UBTD2: variants seen among roughly 807,000 people sequenced by gnomAD.
UBTD2 encodes the protein ubiquitin domain containing 2.
A neutral mutation model predicts 19.8 loss-of-function variants in UBTD2; 9 were observed. That is an observed-to-expected ratio of 0.46 (90% confidence interval 0.27 to 0.79). The LOEUF is 0.79. UBTD2 is among the 30% of genes least tolerant of loss of function. The pLI is 0.14. For synonymous variants in UBTD2, 98 were observed against 103.9 expected, an observed-to-expected ratio of 0.94 and a Z score of 0.35; for missense variants, 250 against 300.4, an observed-to-expected ratio of 0.83 and a Z score of 1.24.
At chr5:172,268,424 C>G (rs917943500) in intron 1 of UBTD2, among the ~76,000 whole-genome samples, 11 of 152,128 alleles carry the variant, frequency 7.2e-5, no homozygotes, top group African/African-American at 2.7e-4. Context: ...ACAGAGGCTA[C>G]AGCACACATT....
At chr5:172,278,744 G>A (rs187620850) in intron 1 of UBTD2, among the ~76,000 whole-genome samples, 145 of 152,100 alleles carry the variant, frequency 9.5e-4, no homozygotes, top group African/African-American at 3.1e-3. Flanking sequence ...TGGTTGAGAC[G>A]GTAATTGTTA....
At position 172,211,917 on chromosome 5, in the gene UBTD2, C is replaced by A. The variant is rs766830768; in HGVS notation, c.618G>T (p.Lys206Asn). The A allele has an allele frequency of 1.9e-6, 3 of 1,614,062 alleles. No individual in the cohort carries two copies. The highest frequency in any genetic ancestry group is 2.7e-5 in the African/African-American group (2 of 74,910). The change falls in exon 3 of 3, where the codon AAG becomes AAT. Residue 206 changes from lysine (K) to asparagine (N), a missense_variant. Coordinates refer to ENST00000393792, the MANE Select transcript of UBTD2 (RefSeq NM_152277.3). ...FSGRPLTDKM[K>N]FEELKIPKDY... ...CCTTTGGGATCTTCAGCTCTTCGAA[C>A]TTCATTTTGTCAGTGAGAGGTCTGC...
intron 2 of UBTD2, among the ~76,000 whole-genome samples, chr5:172,222,709 A>G (rs1771677034): frequency 6.6e-6 from 1 of 152,222 alleles, no homozygotes; most frequent in Admixed American, 6.5e-5. Context: ...AATAAGAATA[A>G]TTACAAGGTA....
At chr5:172,238,362 T>A (rs1320016754) in intron 1 of UBTD2, among the ~76,000 whole-genome samples, 3 of 152,166 alleles carry the variant, frequency 2.0e-5, no homozygotes, top group Admixed American at 2.0e-4. Flanking sequence ...TAACCAACCA[T>A]CTTTAGTGCA....
intron 1 of UBTD2, among the ~76,000 whole-genome samples, chr5:172,246,965 C>T (rs1432124869): frequency 6.6e-6 from 1 of 150,638 alleles, no homozygotes; most frequent in Non-Finnish European, 1.5e-5. Context: ...CATGTTGGTC[C>T]GGCTGGTCTC....
At chr5:172,241,696 G>A (rs1234651364) in intron 1 of UBTD2, among the ~76,000 whole-genome samples, 1 of 151,954 alleles carries the variant, frequency 6.6e-6, no homozygotes, top group Admixed American at 6.6e-5. Context: ...TTCTCACTAT[G>A]GTAAATAAAA....
chr5:172,232,305 A>G (rs1179532277), intron 2 of UBTD2, among the ~76,000 whole-genome samples: 1 of 125,562 alleles, frequency 8.0e-6, no homozygotes, highest in Admixed American at 8.4e-5. Flanking sequence ...AAAGAAAAAG[A>G]CTCACTGTCA....
intron 2 of UBTD2, among the ~76,000 whole-genome samples, chr5:172,231,837 A>G (rs1771907120): frequency 1.3e-5 from 2 of 152,208 alleles, no homozygotes; most frequent in Non-Finnish European, 2.9e-5. Flanking sequence ...TTCCCGTTAT[A>G]TTATATAAAG....
At chr5:172,239,519 C>T (rs1007359331) in intron 1 of UBTD2, among the ~76,000 whole-genome samples, 1 of 151,930 alleles carries the variant, frequency 6.6e-6, no homozygotes, top group African/African-American at 2.4e-5. Context: ...CTCCCAGGTT[C>T]ATGTGATTCT....
At chr5:172,269,173 T>C (rs1477017594) in intron 1 of UBTD2, among the ~76,000 whole-genome samples, 1 of 152,146 alleles carries the variant, frequency 6.6e-6, no homozygotes, top group African/African-American at 2.4e-5. Flanking sequence ...TTCCAACTTT[T>C]CAGTATGTTT....
chr5:172,283,471 A>C lies in UBTD2; in HGVS notation c.70+125T>G, dbSNP rs1755766126. ...GACAGCCGGAAGCGGAGCGCGGGGAATGACGTGGAAGAGGGGATGACAAAG... is the reference window on the plus strand; with the variant it reads ...GACAGCCGGAAGCGGAGCGCGGGGACTGACGTGGAAGAGGGGATGACAAAG... On this transcript the variant is annotated intron_variant, in intron 1 of 2. Coordinates refer to ENST00000393792, the MANE Select transcript of UBTD2 (RefSeq NM_152277.3). This position sits in a 1 kb window ranked among gnomAD's most constrained non-coding sequence, Gnocchi z 4.3. 3.2e-4 allele frequency: 199 copies of C among 619,236 alleles called. No individual in the cohort carries two copies. Among genetic ancestry groups the C allele is most frequent in the Middle Eastern group, 5.5e-4 (1 of 1,806 alleles). The allele number at this position is 619,236 out of a possible 1,614,324, so 38.4% of individuals were successfully genotyped here.
chr5:172,234,947 G>A (rs1243610108), intron 1 of UBTD2, among the ~76,000 whole-genome samples: 1 of 144,668 alleles, frequency 6.9e-6, no homozygotes, highest in Non-Finnish European at 1.5e-5. Context: ...GAGAATTATA[G>A]TTGTAATGAA....
intron 1 of UBTD2, among the ~76,000 whole-genome samples, chr5:172,278,115 A>G (rs1755643914): frequency 6.6e-6 from 1 of 152,208 alleles, no homozygotes; most frequent in Non-Finnish European, 1.5e-5. Flanking sequence ...GTAGTTTCTC[A>G]AAAAGGTAAA....
At chr5:172,267,970 A>C (rs915028564) in intron 1 of UBTD2, among the ~76,000 whole-genome samples, 27 of 152,314 alleles carry the variant, frequency 1.8e-4, no homozygotes, top group African/African-American at 6.3e-4. Context: ...CTATTTAACA[A>C]AGCTTCTGTT....
chr5:172,244,187 T>C (rs1233487285), intron 1 of UBTD2, among the ~76,000 whole-genome samples: 1 of 152,110 alleles, frequency 6.6e-6, no homozygotes, highest in Non-Finnish European at 1.5e-5. Flanking sequence ...TATGGGGTAG[T>C]GCTTATTTGG....
Position 172,283,753 on chromosome 5 carries a change from C to T in UBTD2, c.-88G>A, listed in dbSNP as rs1755775629. 1.0e-6 allele frequency: 1 copy of T among 985,874 alleles called. No individual in the cohort carries two copies. The highest frequency in any genetic ancestry group is 1.7e-5 in the African/African-American group (1 of 57,762). 61.1% of individuals were successfully genotyped at this position (985,874 alleles called of 1,614,324 possible). On this transcript the variant is annotated 5_prime_UTR_variant, in exon 1 of 3. Transcript: ENST00000393792. This position sits in a 1 kb window ranked among gnomAD's most constrained non-coding sequence, Gnocchi z 4.3. The stretch of plus-strand genomic sequence containing the variant: ...CTGCAGCCTCCTCCGGCGCCACCGC[C>T]GAGCTCCGGACAGGCGCGCCGCTCC...
rs1381287409 is a variant in UBTD2 at position 172,209,689 on chromosome 5, C to T, written c.*2141G>A. ...TTTTTTTAAAAAAAGCACATAAACC[C>T]TACATACTAAAATTATACACATCAA... On this transcript the variant is annotated 3_prime_UTR_variant, in exon 3 of 3. Transcript: ENST00000393792. The T allele has an allele frequency of 6.6e-6, 1 of 150,472 alleles. No homozygotes were observed. The highest frequency in any genetic ancestry group is 2.5e-5 in the African/African-American group (1 of 40,662). 9.3% of individuals were successfully genotyped at this position (150,472 alleles called of 1,614,324 possible).
chr5:172,239,265 C>T (rs868738583), intron 1 of UBTD2, among the ~76,000 whole-genome samples: 4 of 152,244 alleles, frequency 2.6e-5, no homozygotes, highest in African/African-American at 4.8e-5. Flanking sequence ...ATAATCACCC[C>T]GTACTAGAAC....
Position 172,283,757 on chromosome 5 carries a change from C to T in UBTD2, c.-92G>A. The T allele has an allele frequency of 1.1e-6, 1 of 938,348 alleles. No homozygotes were observed. Among genetic ancestry groups the T allele is most frequent in the Non-Finnish European group, 1.3e-6 (1 of 751,064 alleles). The allele number at this position is 938,348 out of a possible 1,614,324, so 58.1% of individuals were successfully genotyped here. On this transcript the variant is annotated 5_prime_UTR_variant, in exon 1 of 3. Coordinates refer to ENST00000393792, the MANE Select transcript of UBTD2 (RefSeq NM_152277.3). This position sits in a 1 kb window ranked among gnomAD's most constrained non-coding sequence, Gnocchi z 4.3. ...AGCCTCCTCCGGCGCCACCGCCGAG[C>T]TCCGGACAGGCGCGCCGCTCCGCTC...
Sources: allele counts gnomAD v4.1 joint callset (sites outside exome capture counted in the v4.1 genomes callset), GRCh38; gene constraint gnomAD v4.1.1; non-coding constraint Gnocchi (gnomAD v3.1); transcripts MANE v1.5; gene names NCBI Gene and HGNC (gene_info 2026-07-23, HGNC 2026-07-21).